Variants in GABRA5 observed in about 807,000 individuals in gnomAD.
GABRA5 encodes the protein gamma-aminobutyric acid receptor subunit alpha-5.
GABRA5 carries 18 observed loss-of-function variants against 47.3 expected under a neutral mutation model. That is an observed-to-expected ratio of 0.38 (90% CI 0.26 to 0.56). The LOEUF (loss-of-function observed/expected upper bound fraction) is 0.56. Among genes scored for constraint, GABRA5 ranks in the 20% least tolerant of loss-of-function variants. GABRA5 has a pLI of 0.71. For synonymous variants in GABRA5, 237 were observed against 229.3 expected (o/e 1.03, Z -0.30); for missense variants, 365 against 599.3 (o/e 0.61, Z 4.08).
chr15:26,921,633 A>G (rs1893845467), intron 7 of GABRA5, among the ~76,000 whole-genome samples: 1 of 151,800 alleles, frequency 6.6e-6, no homozygotes, highest in East Asian at 1.9e-4. Context: ...TCTTTTGCTT[A>G]CTTTGCATTT....
chr15:26,871,136 G>C (rs1336269145), intron 3 of GABRA5, among the ~76,000 whole-genome samples: 1 of 152,218 alleles, frequency 6.6e-6, no homozygotes, highest in Non-Finnish European at 1.5e-5. Flanking sequence ...GGAGGTTGCT[G>C]TGAGCTGAGA....
At chr15:26,930,818 C>T (rs906553821) in intron 7 of GABRA5, among the ~76,000 whole-genome samples, 1 of 152,042 alleles carries the variant, frequency 6.6e-6, no homozygotes, top group Non-Finnish European at 1.5e-5. Flanking sequence ...TTTGTTATAG[C>T]AGCACCCCAG....
intron 3 of GABRA5, among the ~76,000 whole-genome samples, chr15:26,869,538 T>C (rs1892411453): frequency 6.6e-6 from 1 of 152,316 alleles, no homozygotes; most frequent in Admixed American, 6.5e-5. Flanking sequence ...GTGGGGTCTC[T>C]GAAGTGAGTC....
At chr15:26,893,308 G>A (rs977626696) in intron 6 of GABRA5, among the ~76,000 whole-genome samples, 7 of 68,916 alleles carry the variant, frequency 1.0e-4, no homozygotes, top group African/African-American at 3.6e-4. Flanking sequence ...TATATGGTGT[G>A]TTGTGTGTAT....
intron 3 of GABRA5, among the ~76,000 whole-genome samples, chr15:26,879,327 T>C (rs1236751834): frequency 1.3e-5 from 2 of 152,116 alleles, no homozygotes; most frequent in East Asian, 1.9e-4. Context: ...CCTTCTTTTT[T>C]CCCCCTGCAA....
In GABRA5 at chr15:26,883,167, G is replaced by C. The variant is rs759076638; in HGVS notation, c.210G>C (p.Glu70Asp). The change falls in exon 5 of 11, where the codon GAG (glutamate) becomes GAC (aspartate). Residue 70 changes from glutamate to aspartate, a missense_variant and splice_region_variant. Glu to Asp is a conservative substitution (Grantham distance 45, BLOSUM62 2). Coordinates refer to ENST00000335625, the MANE Select transcript of GABRA5 (RefSeq NM_000810.4). This position sits in a 1 kb window ranked among gnomAD's most constrained non-coding sequence, Gnocchi z 4.8. ...CAGGGACCTGTGTCTGTCTTTCAGA[G>C]CGCATCACTCAGGTGAGGACCGACA... ...YDNRLRPGLG[E>D]RITQVRTDIY... 1.2e-6 allele frequency: 2 copies of C among 1,613,680 alleles called. No homozygotes were observed. The highest frequency in any genetic ancestry group is 1.7e-6 in the Non-Finnish European group (2 of 1,179,614).
intron 1 of GABRA5, among the ~76,000 whole-genome samples, chr15:26,868,347 G>A (rs577327675): frequency 2.0e-5 from 3 of 152,190 alleles, no homozygotes; most frequent in African/African-American, 7.2e-5. Flanking sequence ...GGAAGTACCT[G>A]TTGTGTCTCC....
intron 4 of GABRA5, among the ~76,000 whole-genome samples, chr15:26,881,474 T>G (rs1892728330): frequency 1.3e-5 from 2 of 152,220 alleles, no homozygotes; most frequent in African/African-American, 2.4e-5. Flanking sequence ...TAGTATTTAC[T>G]TTGACTTTGT....
At chr15:26,879,871 C>T (rs911416256) in intron 3 of GABRA5, among the ~76,000 whole-genome samples, 4 of 152,178 alleles carry the variant, frequency 2.6e-5, no homozygotes, top group African/African-American at 9.7e-5. Context: ...GCCCAGGGCA[C>T]TCGCTTCTTG....
At chr15:26,904,819 C>G (rs1319964238) in intron 6 of GABRA5, among the ~76,000 whole-genome samples, 1 of 151,946 alleles carries the variant, frequency 6.6e-6, no homozygotes, top group African/African-American at 2.4e-5. Context: ...ATTTTGTATC[C>G]TGAAACTTTG....
At chr15:26,902,055 A>G (rs1327685800) in intron 6 of GABRA5, among the ~76,000 whole-genome samples, 1 of 151,976 alleles carries the variant, frequency 6.6e-6, no homozygotes, top group African/African-American at 2.4e-5. Context: ...CTATAGCTTT[A>G]TAAGTCTTGA....
At chr15:26,939,276 G>A (rs1450964177) in intron 8 of GABRA5, 4 of 765,226 alleles carry the variant, frequency 5.2e-6, no homozygotes, top group Non-Finnish European at 9.6e-6. Flanking sequence ...AGCAATGAAT[G>A]GGAGGTCTCC....
intron 3 of GABRA5, 82 bp downstream of exon 3, chr15:26,869,416 T>C: frequency 1.2e-6 from 1 of 852,344 alleles, no homozygotes; most frequent in Non-Finnish European, 2.0e-6. Flanking sequence ...AGCACATCCA[T>C]TGAGCAAGTC....
intron 3 of GABRA5, among the ~76,000 whole-genome samples, chr15:26,876,983 C>T (rs1280665933): frequency 6.6e-6 from 1 of 152,084 alleles, no homozygotes; most frequent in Admixed American, 6.5e-5. Context: ...TGGGTTTTAC[C>T]TTGTGGGCAG....
At position 26,948,051 on chromosome 15, in the gene GABRA5, G is replaced by A. The variant is rs779166572; in HGVS notation, c.1207G>A (p.Val403Ile). Residue 403 changes from valine to isoleucine, a missense_variant, in exon 11 of 11, where the codon GTC becomes ATC. By Grantham distance (29) the Val-to-Ile change is conservative. Transcript: ENST00000335625. ...AGCAGGGACGTCGAATACAACCTCA[G>A]TCTCAGTAAAACCCTCTGAAGAGAA... ...TPAGTSNTTS[V>I]SVKPSEEKTS... 13 of 1,608,306 alleles carry A rather than the reference G, an allele frequency of 8.1e-6. No individual in the cohort carries two copies.
chr15:26,878,206 A>G (rs1487680799), intron 3 of GABRA5, among the ~76,000 whole-genome samples: 2 of 152,366 alleles, frequency 1.3e-5, no homozygotes, highest in South Asian at 2.1e-4. Flanking sequence ...AGTGCTTTCA[A>G]TGAGCCAAAA....
At chr15:26,922,771 T>G in intron 7 of GABRA5, among the ~76,000 whole-genome samples, 1 of 152,178 alleles carries the variant, frequency 6.6e-6, no homozygotes, top group African/African-American at 2.4e-5. Flanking sequence ...ATTAACTAAT[T>G]AATTAAAGAG....
At chr15:26,942,314 G>T (rs1244585844) in intron 9 of GABRA5, among the ~76,000 whole-genome samples, 1 of 152,200 alleles carries the variant, frequency 6.6e-6, no homozygotes. Context: ...ATCCAGCCTG[G>T]CTGTGTGGTC....
At chr15:26,877,011 C>T (rs1164431308) in intron 3 of GABRA5, among the ~76,000 whole-genome samples, 1 of 152,152 alleles carries the variant, frequency 6.6e-6, no homozygotes, top group African/African-American at 2.4e-5. Context: ...CTGAGTTGGG[C>T]AGCAGTGCCA....
Sources: allele counts gnomAD v4.1 joint callset (sites outside exome capture counted in the v4.1 genomes callset), GRCh38; gene constraint gnomAD v4.1.1; non-coding constraint Gnocchi (gnomAD v3.1); transcripts MANE v1.5; gene names NCBI Gene and HGNC (gene_info 2026-07-23, HGNC 2026-07-21).